ATG5: variants seen among roughly 807,000 people sequenced by gnomAD.
ATG5 encodes autophagy related 5, also known as autophagy protein 5.
A neutral mutation model predicts 36.5 loss-of-function variants in ATG5; 14 were observed. That is an observed-to-expected ratio of 0.38 (90% CI 0.25 to 0.60). The LOEUF is 0.60. Ranked by LOEUF, ATG5 falls within the 20% of genes least tolerant of loss-of-function variation. The probability of loss-of-function intolerance (pLI) is 0.60; values close to 1 mark genes in which losing one functional copy is unlikely to be tolerated. For synonymous variants in ATG5, 95 were observed against 101.5 expected, an observed-to-expected ratio of 0.94 and a Z score of 0.38; for missense variants, 195 against 326.7, an observed-to-expected ratio of 0.60 and a Z score of 3.11.
At chr6:106,276,476 A>G (rs1227925850) in intron 5 of ATG5, among the ~76,000 whole-genome samples, 4 of 151,846 alleles carry the variant, frequency 2.6e-5, no homozygotes, top group Non-Finnish European at 5.9e-5. Flanking sequence ...AAAAAAAAAA[A>G]AAAAGAAACT....
chr6:106,270,512 T>C (rs908459447), intron 5 of ATG5, among the ~76,000 whole-genome samples: 7 of 152,234 alleles, frequency 4.6e-5, no homozygotes, highest in African/African-American at 1.7e-4. Context: ...CCATATTTCA[T>C]TGCTTTGTAT....
Position 106,231,426 on chromosome 6 carries a change from G to C in ATG5, c.573+16724C>G, listed in dbSNP as rs139083260. Among the ~76,000 whole-genome samples the C allele has an allele frequency of 2.2e-3, 342 of 152,330 alleles. 2 individuals are homozygous for C. The highest frequency in any genetic ancestry group is 7.8e-3 in the African/African-American group (326 of 41,578). On this transcript the variant is annotated intron_variant, in intron 6 of 7. Coordinates refer to ENST00000369076, the MANE Select transcript of ATG5 (RefSeq NM_004849.4). ...AAAGAGAACGATTCCCCACAGGCCA[G>C]CAGGCAGTTCCCAGTGTAGACCCTC...
chr6:106,249,608 CTAGGAG>C (rs1237838998), intron 5 of ATG5, among the ~76,000 whole-genome samples: 2 of 152,064 alleles, frequency 1.3e-5, no homozygotes, highest in Non-Finnish European at 2.9e-5. Flanking sequence ...GGGTATGTAC[CTAGGAG>C]TAGAACTACT....
intron 3 of ATG5, among the ~76,000 whole-genome samples, chr6:106,293,370 ATGTGAAC>A (rs900862586): frequency 7.9e-5 from 12 of 152,368 alleles, no homozygotes; most frequent in African/African-American, 2.9e-4. Flanking sequence ...TTTATCAGCC[ATGTGAAC>A]TGTTATGTCA....
intron 6 of ATG5, among the ~76,000 whole-genome samples, chr6:106,241,208 T>A (rs1265192225): frequency 2.2e-4 from 34 of 152,010 alleles, no homozygotes; most frequent in Admixed American, 2.2e-3. Flanking sequence ...CCAAACCCAA[T>A]TCAAAAATGG....
intron 7 of ATG5, among the ~76,000 whole-genome samples, chr6:106,187,259 G>C (rs1232996832): frequency 1.3e-5 from 2 of 152,134 alleles, no homozygotes; most frequent in African/African-American, 2.4e-5. Flanking sequence ...TTACAAATCT[G>C]ACTCAGGGAT....
intron 5 of ATG5, among the ~76,000 whole-genome samples, chr6:106,268,054 G>A (rs1247183706): frequency 6.6e-6 from 1 of 151,986 alleles, no homozygotes; most frequent in Non-Finnish European, 1.5e-5. Context: ...TGACTAAACA[G>A]CTTCTGCACA....
intron 1 of ATG5, among the ~76,000 whole-genome samples, chr6:106,317,040 C>T (rs1286739474): frequency 6.6e-6 from 1 of 152,172 alleles, no homozygotes; most frequent in East Asian, 1.9e-4. Flanking sequence ...TTCTCTATAC[C>T]ACAAATATAG....
At chr6:106,211,991 A>G (rs1208989350) in intron 6 of ATG5, among the ~76,000 whole-genome samples, 3 of 152,188 alleles carry the variant, frequency 2.0e-5, no homozygotes, top group African/African-American at 7.2e-5. Context: ...GTATCACAGG[A>G]TTTCACTTGT....
intron 3 of ATG5, among the ~76,000 whole-genome samples, chr6:106,299,175 T>C (rs1052123296): frequency 1.3e-5 from 2 of 152,206 alleles, no homozygotes; most frequent in African/African-American, 4.8e-5. Context: ...ATACCAAAAT[T>C]CGCAGATGCT....
At chr6:106,246,408 AC>A (rs1778340848) in intron 6 of ATG5, among the ~76,000 whole-genome samples, 1 of 150,280 alleles carries the variant, frequency 6.7e-6, no homozygotes, top group African/African-American at 2.5e-5. Context: ...ACACACACAC[AC>A]ACACACACAC....
chr6:106,211,977 A>C (rs376621942), intron 6 of ATG5, among the ~76,000 whole-genome samples: 2 of 152,346 alleles, frequency 1.3e-5, no homozygotes. Context: ...AGGGTTGCTT[A>C]AGTGTATCAC....
rs144154229 is a variant in ATG5, at chr6:106,298,464, T to C, written c.237-5358A>G. Among the ~76,000 whole-genome samples, 724 of 152,080 alleles carry C rather than the reference T, an allele frequency of 4.8e-3. 5 individuals are homozygous for C. The highest frequency in any genetic ancestry group is 0.016 in the African/African-American group (650 of 41,518). The stretch of plus-strand genomic sequence containing the variant: ...TACTTGGGAGGCTGAAGTGGGAGAA[T>C]TGCTTGAACCCGGGAGGCGGAGGTT... On this transcript the variant is annotated intron_variant, in intron 3 of 7. Coordinates refer to ENST00000369076, the MANE Select transcript of ATG5 (RefSeq NM_004849.4).
In ATG5 at chr6:106,199,168, T is replaced by G. The variant is rs1210674104; in HGVS notation, c.691+2804A>C. ...CTTTGGGAAAGCTCAGTAGTTTCTTTTAAAATAAAAAATAAACTTACTATA... is the reference window on the plus strand; with the variant it reads ...CTTTGGGAAAGCTCAGTAGTTTCTTGTAAAATAAAAAATAAACTTACTATA... On this transcript the variant is annotated intron_variant, in intron 7 of 7. Coordinates refer to ENST00000369076, the MANE Select transcript of ATG5 (RefSeq NM_004849.4). Among the ~76,000 whole-genome samples, 3 of 152,266 alleles carry G rather than the reference T, an allele frequency of 2.0e-5. No individual in the cohort carries two copies. The East Asian group carries it at 5.8e-4, about 29-fold the overall frequency.
chr6:106,188,747 C>A (rs1220305816), intron 7 of ATG5, among the ~76,000 whole-genome samples: 2 of 152,174 alleles, frequency 1.3e-5, no homozygotes, highest in African/African-American at 4.8e-5. Flanking sequence ...GAAGCTGGGG[C>A]CACTTTTAAT....
At chr6:106,220,059 T>G (rs56244906) in intron 6 of ATG5, among the ~76,000 whole-genome samples, 3,731 of 152,222 alleles carry the variant, frequency 0.025, 61 homozygotes, top group African/African-American at 0.049. Context: ...AAGTACATAC[T>G]GTTGAAGACA....
At chr6:106,266,110 AAAG>A (rs1480328344) in intron 5 of ATG5, among the ~76,000 whole-genome samples, 4 of 152,188 alleles carry the variant, frequency 2.6e-5, no homozygotes, top group Non-Finnish European at 5.9e-5. Flanking sequence ...CTAGACTAAT[AAAG>A]AAGAAAAGAG....
At chr6:106,257,204 T>A (rs1017888400) in intron 5 of ATG5, among the ~76,000 whole-genome samples, 2 of 152,312 alleles carry the variant, frequency 1.3e-5, no homozygotes, top group African/African-American at 4.8e-5. Flanking sequence ...TCATCTCCAA[T>A]GAAAACGATG....
chr6:106,312,698 G>A (rs546310693), intron 2 of ATG5, among the ~76,000 whole-genome samples: 6 of 151,350 alleles, frequency 4.0e-5, no homozygotes, highest in African/African-American at 1.5e-4. Flanking sequence ...CAAGGATACT[G>A]AGCACTGCAG....
Sources: gnomAD v4.1 joint callset for allele counts (sites outside exome capture counted in the v4.1 genomes callset) on GRCh38, gnomAD v4.1.1 for gene constraint, MANE v1.5 for transcripts, NCBI Gene and HGNC (gene_info 2026-07-23, HGNC 2026-07-21) for gene names.